The following CSF1R variants were observed in gnomAD, a reference collection of about 807,000 sequenced individuals.
CSF1R encodes the protein macrophage colony-stimulating factor 1 receptor.
A neutral mutation model predicts 110.0 loss-of-function variants in CSF1R; 40 were observed. The ratio of observed to expected loss-of-function variants is 0.36; its 90% CI spans 0.28 to 0.47. The LOEUF (loss-of-function observed/expected upper bound fraction) is 0.47. Among genes scored for constraint, CSF1R ranks in the 20% least tolerant of loss-of-function variants. The pLI, the probability that CSF1R is intolerant of heterozygous loss-of-function variation, is 0.99. For missense variants in CSF1R, 1,052 were observed against 1,253.0 expected (o/e 0.84, Z 2.42); for synonymous variants, 523 against 503.4 (o/e 1.04, Z -0.52).
At chr5:150,078,272 G>A (rs765078545) in intron 3 of CSF1R, 24 bp from the exon 4 acceptor site, 1 of 1,613,322 alleles carries the variant, frequency 6.2e-7, no homozygotes, top group Non-Finnish European at 8.5e-7. Context: ...AGAGACCCCT[G>A]AACACCCAGG....
chr5:150,078,441 C>G (rs979211187), intron 3 of CSF1R, among the ~76,000 whole-genome samples, 193 bp from the exon 4 acceptor site: 1 of 152,080 alleles, frequency 6.6e-6, no homozygotes, highest in African/African-American at 2.4e-5. Flanking sequence ...CTTGGAAAGT[C>G]TACTTTCTCC....
At chr5:150,077,054 C>T (rs935866041) in intron 5 of CSF1R, 5 of 607,446 alleles carry the variant, frequency 8.2e-6, no homozygotes, top group African/African-American at 7.4e-5. Flanking sequence ...GCACCCAATG[C>T]AGCCATGCAC....
intron 1 of CSF1R, chr5:150,094,532 A>T: frequency 6.3e-7 from 1 of 1,599,502 alleles, no homozygotes; most frequent in Middle Eastern, 1.7e-4. Flanking sequence ...TGGCAAGAAA[A>T]GCTGGCAACT....
intron 1 of CSF1R, among the ~76,000 whole-genome samples, chr5:150,102,926 T>G (rs1445101787): frequency 2.6e-5 from 4 of 152,260 alleles, no homozygotes; most frequent in Non-Finnish European, 5.9e-5. Flanking sequence ...TAGTCAAATC[T>G]GTTGTCTTTT....
intron 1 of CSF1R, among the ~76,000 whole-genome samples, chr5:150,082,608 C>T (rs1370868426): frequency 1.3e-5 from 2 of 152,240 alleles, no homozygotes; most frequent in African/African-American, 2.4e-5. Flanking sequence ...CAATCTAGGG[C>T]CCCCAGGCCG....
intron 5 of CSF1R, chr5:150,076,890 G>T: frequency 3.6e-6 from 1 of 281,436 alleles, no homozygotes; most frequent in Non-Finnish European, 6.9e-6. Context: ...ACTCTTCAGT[G>T]TTCCCAGGAC....
At chr5:150,058,411 T>A (rs1757349038) in intron 14 of CSF1R, 3 of 429,322 alleles carry the variant, frequency 7.0e-6, no homozygotes, top group Non-Finnish European at 1.4e-5. Context: ...CTTGACAATG[T>A]CCATATTCTA....
intron 1 of CSF1R, among the ~76,000 whole-genome samples, chr5:150,112,517 G>A (rs1259269067): frequency 6.6e-6 from 1 of 152,262 alleles, no homozygotes; most frequent in Non-Finnish European, 1.5e-5. Flanking sequence ...GAGACACAGG[G>A]AGCTGAGATC....
In CSF1R at chr5:150,053,557, A is replaced by G. The variant is rs13117; in HGVS notation, c.*512T>C. The G allele has an allele frequency of 0.081, 19,689 of 243,734 alleles. 1,210 individuals are homozygous for G. The highest frequency in any genetic ancestry group is 0.18 in the East Asian group (3,028 of 16,678). 15.1% of individuals were successfully genotyped at this position (243,734 alleles called of 1,614,324 possible). On this transcript the variant is annotated 3_prime_UTR_variant, in exon 21 of 21. Transcript: ENST00000675795. ...GAAGGCGGCGTATAGGGCAGAGACT[A>G]AGAGGTCCTGTGAGATTCTTAGAGG...
intron 1 of CSF1R, among the ~76,000 whole-genome samples, chr5:150,100,015 T>C (rs1759351821): frequency 6.6e-6 from 1 of 152,196 alleles, no homozygotes; most frequent in Non-Finnish European, 1.5e-5. Flanking sequence ...CAGTTTGATG[T>C]TGGCTCACAG....
Position 150,086,248 on chromosome 5 carries a change from G to A in CSF1R, c.49+131C>T, listed in dbSNP as rs1441323415. ...ACCTCTCCAAAGCAGATACCCACAA[G>A]CCTGCAGTCCAGTGTTGGGGAGACT... On this transcript the variant is annotated intron_variant, in intron 1 of 20. Transcript: ENST00000675795. 9.6e-6 allele frequency: 8 copies of A among 831,826 alleles called. No individual in the cohort carries two copies. In the East Asian group the frequency reaches 2.2e-4, roughly 22 times the overall value. The allele number at this position is 831,826 out of a possible 1,614,324, so 51.5% of individuals were successfully genotyped here.
At chr5:150,082,489 T>A (rs1350504132) in intron 1 of CSF1R, among the ~76,000 whole-genome samples, 4 of 152,022 alleles carry the variant, frequency 2.6e-5, no homozygotes, top group Non-Finnish European at 5.9e-5. Context: ...CCACCTGGGG[T>A]TGTAGCCCTC....
rs1212537853 is a variant in CSF1R at position 150,053,310 on chromosome 5, A to G, written c.*759T>C. ...AGAGGCTGACTGCATTAATGCTGTT[A>G]GTTTAATGTGGACAGAGACATCCCA... is the stretch of plus-strand genomic sequence containing the variant. On this transcript the variant is annotated 3_prime_UTR_variant, in exon 21 of 21. Transcript: ENST00000675795. 1 of 233,004 alleles carries G rather than the reference A, an allele frequency of 4.3e-6. No homozygotes were observed. The highest frequency in any genetic ancestry group is 8.5e-6 in the Non-Finnish European group (1 of 117,680). The allele number at this position is 233,004 out of a possible 1,614,324, so 14.4% of individuals were successfully genotyped here. A position where few individuals can be genotyped will look rare whatever the true frequency, so the allele number is the denominator to read the frequency against.
upstream of CSF1R, among the ~76,000 whole-genome samples, chr5:150,089,397 G>GTAA (rs1200534771): frequency 1.1e-4 from 17 of 152,134 alleles, 4 homozygotes; most frequent in Admixed American, 9.2e-4. Context: ...ATCAACATAC[G>GTAA]TAACTCTATA....
chr5:150,074,252 T>C (rs558641970), intron 5 of CSF1R, among the ~76,000 whole-genome samples: 1 of 151,992 alleles, frequency 6.6e-6, no homozygotes, highest in African/African-American at 2.4e-5. Flanking sequence ...ATCCTTTTAA[T>C]TAGGCCAGTT....
Position 150,059,843 on chromosome 5 carries a change from C to T in CSF1R, c.1989G>A (p.Thr663=), listed in dbSNP as rs531290679. Residue 663 remains threonine, a synonymous_variant, in exon 14 of 21, where the codon ACG becomes ACA. Coordinates refer to ENST00000675795, the MANE Select transcript of CSF1R (RefSeq NM_001288705.3). The stretch of plus-strand genomic sequence containing the variant: ...GCAGGTCGCCATAGCAACAGTACTC[C>T]GTGATGACCAGTACAGGGCCTAGAG... ...CTHGGPVLVI[T]EYCCYGDLLN... 25 of 1,613,966 alleles carry T rather than the reference C, an allele frequency of 1.5e-5. No homozygotes were observed. Among genetic ancestry groups the T allele is most frequent in the Admixed American group, 3.3e-5 (2 of 60,024 alleles).
intron 1 of CSF1R, among the ~76,000 whole-genome samples, chr5:150,082,846 ATT>A (rs1758611097): frequency 6.6e-6 from 1 of 152,156 alleles, no homozygotes; most frequent in African/African-American, 2.4e-5. Context: ...TAATTGCTAC[ATT>A]TCTAATGTCC....
At chr5:150,108,357 A>T (rs529758579) in intron 1 of CSF1R, among the ~76,000 whole-genome samples, 1 of 152,332 alleles carries the variant, frequency 6.6e-6, no homozygotes, top group Non-Finnish European at 1.5e-5. Context: ...TAGCACCAAA[A>T]AAAGGGGCAG....
At chr5:150,090,025 A>C (rs1282455269), upstream of CSF1R, among the ~76,000 whole-genome samples, 1 of 152,190 alleles carries the variant, frequency 6.6e-6, no homozygotes, top group Non-Finnish European at 1.5e-5. Context: ...ATAAAAATTA[A>C]CTCAAAATGA....
Sources: allele counts gnomAD v4.1 joint callset (sites outside exome capture counted in the v4.1 genomes callset), GRCh38; gene constraint gnomAD v4.1.1; transcripts MANE v1.5; gene names NCBI Gene and HGNC (gene_info 2026-07-23, HGNC 2026-07-21).